Variants in RBFOX1 observed in about 807,000 individuals in gnomAD.
The protein encoded by RBFOX1 is RNA binding fox-1 homolog 1.
Under a neutral mutation model 57.7 loss-of-function variants are expected in RBFOX1, and 8 were observed. The ratio of observed to expected loss-of-function variants is 0.14; its 90% CI spans 0.08 to 0.25. The LOEUF (loss-of-function observed/expected upper bound fraction) is 0.25. Ranked by LOEUF, RBFOX1 falls within the 10% of genes least tolerant of loss-of-function variation. RBFOX1 has a pLI of 1.00. For missense variants in RBFOX1, 611 were observed against 548.5 expected, an observed-to-expected ratio of 1.11 and a Z score of -1.14; for synonymous variants, 326 against 222.4, an observed-to-expected ratio of 1.47 and a Z score of -4.15.
intron 2 of RBFOX1, among the ~76,000 whole-genome samples, chr16:6,563,648 G>A (rs892771205): frequency 4.6e-5 from 7 of 151,966 alleles, no homozygotes; most frequent in South Asian, 2.1e-4. Context: ...GTTCACGACC[G>A]TTATCAGCAA....
At chr16:6,443,482 C>A (rs1597324904) in intron 2 of RBFOX1, among the ~76,000 whole-genome samples, 1 of 152,136 alleles carries the variant, frequency 6.6e-6, no homozygotes, top group Non-Finnish European at 1.5e-5. Context: ...CCCAGAAACT[C>A]TCTAGTACAC....
At chr16:7,146,434 T>A (rs1354737283) in intron 4 of RBFOX1, among the ~76,000 whole-genome samples, 1 of 152,192 alleles carries the variant, frequency 6.6e-6, no homozygotes, top group Non-Finnish European at 1.5e-5. Context: ...AGCAGCTCTG[T>A]CACCCCCACT....
intron 1 of RBFOX1, among the ~76,000 whole-genome samples, chr16:6,248,673 G>A (rs909562836): frequency 2.0e-5 from 3 of 152,098 alleles, no homozygotes; most frequent in Non-Finnish European, 1.5e-5. Flanking sequence ...AAAGATGCAT[G>A]TGATGGAGGG....
At position 7,263,721 on chromosome 16, in the gene RBFOX1, C is replaced by A. The variant is rs1284213220; in HGVS notation, c.27+211623C>A. ...GACCAGCCTGGCTAACATGGTGAAA[C>A]CCCATCTCTACTAAAAATACAAAAA... On this transcript the variant is annotated intron_variant, in intron 4 of 15. Coordinates refer to ENST00000550418, the MANE Select transcript of RBFOX1 (RefSeq NM_018723.4). Among the ~76,000 whole-genome samples, 3 of 151,956 alleles carry A rather than the reference C, an allele frequency of 2.0e-5. No individual in the cohort carries two copies. The East Asian group carries it at 5.8e-4, about 30-fold the overall frequency.
chr16:5,449,804 C>T (rs1426234245), intron 1 of RBFOX1, among the ~76,000 whole-genome samples: 1 of 151,950 alleles, frequency 6.6e-6, no homozygotes, highest in Admixed American at 6.6e-5. Context: ...GACAGAGTCT[C>T]ACTATGTTGC....
intron 1 of RBFOX1, among the ~76,000 whole-genome samples, chr16:5,375,354 A>T (rs1879883595): frequency 6.6e-6 from 1 of 152,164 alleles, no homozygotes; most frequent in African/African-American, 2.4e-5. Flanking sequence ...GTGAGGTTGG[A>T]AAGGAAACTG....
At chr16:6,438,778 CAT>C (rs1412632276) in intron 2 of RBFOX1, among the ~76,000 whole-genome samples, 1 of 152,018 alleles carries the variant, frequency 6.6e-6, no homozygotes, top group East Asian at 1.9e-4. Context: ...GTTACTGAGA[CAT>C]GCATAATGCT....
intron 4 of RBFOX1, among the ~76,000 whole-genome samples, chr16:7,210,903 C>G (rs1267826447): frequency 2.0e-5 from 3 of 151,056 alleles, no homozygotes; most frequent in African/African-American, 4.9e-5. Context: ...TCTAGGTACT[C>G]TCACTATAAA....
chr16:7,270,299 A>G (rs1001044133), intron 4 of RBFOX1, among the ~76,000 whole-genome samples: 1 of 152,212 alleles, frequency 6.6e-6, no homozygotes, highest in Non-Finnish European at 1.5e-5. Flanking sequence ...ATGACCTGGA[A>G]GCATCTGTCT....
At chr16:5,368,334 T>A (rs1408316360) in intron 1 of RBFOX1, among the ~76,000 whole-genome samples, 1 of 152,220 alleles carries the variant, frequency 6.6e-6, no homozygotes, top group Non-Finnish European at 1.5e-5. Flanking sequence ...TTCTTTTTCC[T>A]GGGCTACTGC....
chr16:7,361,133 C>T (rs887947121), intron 4 of RBFOX1, among the ~76,000 whole-genome samples: 9 of 152,172 alleles, frequency 5.9e-5, no homozygotes, highest in African/African-American at 1.4e-4. Flanking sequence ...TGGACACCTT[C>T]CTCCACCTGC....
chr16:7,631,309 G>T (rs763735803), intron 11 of RBFOX1, among the ~76,000 whole-genome samples: 1 of 152,152 alleles, frequency 6.6e-6, no homozygotes, highest in East Asian at 1.9e-4. Context: ...CATCCAGTGC[G>T]GGAGGGAAGA....
intron 4 of RBFOX1, among the ~76,000 whole-genome samples, chr16:5,915,319 A>G (rs946397066): frequency 3.3e-5 from 5 of 152,176 alleles, no homozygotes; most frequent in African/African-American, 1.2e-4. Context: ...AGATAATTCA[A>G]CTGGCTATTG....
At chr16:6,070,270 C>T (rs2095819783) in intron 1 of RBFOX1, among the ~76,000 whole-genome samples, 3 of 152,096 alleles carry the variant, frequency 2.0e-5, no homozygotes, top group South Asian at 4.1e-4. Flanking sequence ...TAAATTCATC[C>T]TAAAAATAAT....
chr16:5,346,778 C>A (rs1341501668), intron 1 of RBFOX1, among the ~76,000 whole-genome samples: 1 of 152,146 alleles, frequency 6.6e-6, no homozygotes, highest in Admixed American at 6.5e-5. Context: ...TGTCTCAGCC[C>A]AGTCCCAGCT....
At chr16:6,798,638 G>A (rs767204813) in intron 3 of RBFOX1, among the ~76,000 whole-genome samples, 18 of 152,062 alleles carry the variant, frequency 1.2e-4, no homozygotes, top group African/African-American at 9.7e-5. Flanking sequence ...TCGTTTCTCT[G>A]GCCAAAGCAA....
intron 3 of RBFOX1, among the ~76,000 whole-genome samples, chr16:7,009,671 C>T (rs866932334): frequency 1.3e-5 from 2 of 152,074 alleles, no homozygotes; most frequent in Admixed American, 6.6e-5. Context: ...TAAAGAATAT[C>T]CTAGAATTAT....
At chr16:5,617,624 A>C (rs1426001029) in intron 3 of RBFOX1, among the ~76,000 whole-genome samples, 3 of 152,324 alleles carry the variant, frequency 2.0e-5, no homozygotes, top group African/African-American at 7.2e-5. Flanking sequence ...ACTGTAATCA[A>C]GCTGTCTTTA....
At chr16:6,594,706 G>C (rs906543478) in intron 2 of RBFOX1, among the ~76,000 whole-genome samples, 1 of 148,694 alleles carries the variant, frequency 6.7e-6, no homozygotes, top group Non-Finnish European at 1.5e-5. Context: ...TTTTTTTTTT[G>C]AGATGTTTTT....
Sources: gnomAD v4.1 joint callset for allele counts (sites outside exome capture counted in the v4.1 genomes callset) on GRCh38, gnomAD v4.1.1 for gene constraint, MANE v1.5 for transcripts, NCBI Gene and HGNC (gene_info 2026-07-23, HGNC 2026-07-21) for gene names.